Variants in PPP6R2 observed in about 807,000 individuals in gnomAD.
PPP6R2 encodes protein phosphatase 6 regulatory subunit 2, also known as serine/threonine-protein phosphatase 6 regulatory subunit 2.
Under a neutral mutation model 100.2 loss-of-function variants are expected in PPP6R2, and 62 were observed. The observed-to-expected ratio is 0.62, with a 90% CI of 0.50 to 0.76. The LOEUF is 0.76. Among genes scored for constraint, PPP6R2 ranks in the 30% least tolerant of loss-of-function variants. PPP6R2 has a pLI of 0.00. For synonymous variants in PPP6R2, 525 were observed against 514.7 expected (o/e 1.02, Z -0.27); for missense variants, 1,142 against 1,276.3 (o/e 0.89, Z 1.60).
At chr22:50,376,777 C>T (rs932503673) in intron 2 of PPP6R2, among the ~76,000 whole-genome samples, 3 of 152,032 alleles carry the variant, frequency 2.0e-5, no homozygotes, top group Non-Finnish European at 4.4e-5. Flanking sequence ...CAGTGGCTCA[C>T]GCCTGTAATC....
In PPP6R2 at chr22:50,431,754, C is replaced by G. The variant is rs1226893949; in HGVS notation, c.1335+372C>G. On this transcript the variant is annotated intron_variant, in intron 11 of 23. Coordinates refer to ENST00000612753, the MANE Select transcript of PPP6R2 (RefSeq NM_001242898.2). This position sits in a 1 kb window ranked among gnomAD's most constrained non-coding sequence, Gnocchi z 4.8. ...GAGGGGATGCTGAGGGACATGCAGG[C>G]CAACCAGGGACTGTCACCCGGATAG... Among the ~76,000 whole-genome samples, 1 of 152,068 alleles carries G rather than the reference C, an allele frequency of 6.6e-6. No individual in the cohort carries two copies. The highest frequency in any genetic ancestry group is 1.5e-5 in the Non-Finnish European group (1 of 68,002).
rs1352740882 is a variant in PPP6R2, at chr22:50,406,965, C to A, written c.414+90C>A. 9.8e-6 allele frequency: 13 copies of A among 1,328,840 alleles called. No individual in the cohort carries two copies. In the East Asian group the frequency reaches 2.8e-4, roughly 28 times the overall value. The allele number at this position is 1,328,840 out of a possible 1,614,324, so 82.3% of individuals were successfully genotyped here. ...TGTGAGCCTGGCGGTGCGACTCATC[C>A]TCCGGCCGCGGGAACAGCATCTGTG... On this transcript the variant is annotated intron_variant, in intron 4 of 23. Coordinates refer to ENST00000612753, the MANE Select transcript of PPP6R2 (RefSeq NM_001242898.2).
intron 2 of PPP6R2, among the ~76,000 whole-genome samples, chr22:50,391,587 G>A (rs549113583): frequency 2.6e-5 from 4 of 152,070 alleles, no homozygotes; most frequent in Non-Finnish European, 5.9e-5. Flanking sequence ...ACAACATGGC[G>A]AAACACCATC....
intron 1 of PPP6R2, among the ~76,000 whole-genome samples, chr22:50,359,953 TTTTGTTTGTCTTAAAATGTC>T (rs1335191046): frequency 6.6e-6 from 1 of 152,194 alleles, no homozygotes; most frequent in Non-Finnish European, 1.5e-5. Flanking sequence ...TTCCCTCAGC[TTTTGTTTGTCTTAAAATGTC>T]TTTATTTATA....
chr22:50,414,697 C>G lies in PPP6R2; in HGVS notation c.552+8C>G. 1 of 1,584,416 alleles carries G rather than the reference C, an allele frequency of 6.3e-7. No individual in the cohort carries two copies. The highest frequency in any genetic ancestry group is 8.5e-7 in the Non-Finnish European group (1 of 1,170,992). On this transcript the variant is annotated splice_region_variant and intron_variant, in intron 5 of 23. Transcript: ENST00000612753. ...CGGCAGGACGTCCTGCACGTGAGTGCGGGAGTCCCCCCCCGTTCCCGAGGG... is the reference window on the plus strand; with the variant it reads ...CGGCAGGACGTCCTGCACGTGAGTGGGGGAGTCCCCCCCCGTTCCCGAGGG...
intron 2 of PPP6R2, 68 bp downstream of exon 2, chr22:50,372,218 G>A (rs2050362681): frequency 6.6e-6 from 1 of 152,108 alleles, no homozygotes; most frequent in South Asian, 2.1e-4. Flanking sequence ...TTCTGTACAG[G>A]TGGAAGTTCA....
intron 1 of PPP6R2, among the ~76,000 whole-genome samples, chr22:50,355,185 C>A (rs1014494384): frequency 6.6e-6 from 1 of 150,970 alleles, no homozygotes; most frequent in African/African-American, 2.4e-5. Flanking sequence ...GATACTCCTC[C>A]TATATTGGAA....
intron 6 of PPP6R2, among the ~76,000 whole-genome samples, chr22:50,416,569 G>T (rs1021919440): frequency 2.0e-5 from 3 of 151,908 alleles, no homozygotes; most frequent in Non-Finnish European, 1.5e-5. Flanking sequence ...GGCCTCAAGT[G>T]ATCCTCCTAC....
At chr22:50,365,693 AAG>A (rs1555977782) in intron 1 of PPP6R2, among the ~76,000 whole-genome samples, 1 of 151,118 alleles carries the variant, frequency 6.6e-6, no homozygotes, top group Non-Finnish European at 1.5e-5. Flanking sequence ...AAAAAAAAAA[AAG>A]AACCATTTAA....
upstream of PPP6R2, among the ~76,000 whole-genome samples, chr22:50,339,340 TATGTA>T (rs1441818166): frequency 2.4e-4 from 31 of 129,248 alleles, no homozygotes; most frequent in East Asian, 2.9e-3. Context: ...GTGTGTGTGG[TATGTA>T]GTGTGTGGTA....
At chr22:50,409,231 C>A (rs573995936) in intron 4 of PPP6R2, among the ~76,000 whole-genome samples, 1 of 152,264 alleles carries the variant, frequency 6.6e-6, no homozygotes, top group East Asian at 1.9e-4. Context: ...GTGAAATGAC[C>A]GTCCGCATTT....
intron 10 of PPP6R2, among the ~76,000 whole-genome samples, chr22:50,426,394 C>T (rs2062133351): frequency 6.6e-6 from 1 of 152,206 alleles, no homozygotes; most frequent in Non-Finnish European, 1.5e-5. Context: ...AGCTTTTCCT[C>T]TATGCTTCCT....
upstream of PPP6R2, among the ~76,000 whole-genome samples, chr22:50,342,017 G>T (rs1367268136): frequency 6.6e-6 from 1 of 151,940 alleles, no homozygotes; most frequent in Non-Finnish European, 1.5e-5. Context: ...GGAGGAGAGG[G>T]GCTCCTGCTC....
rs200420909 is a variant in PPP6R2, at chr22:50,373,232, ATTTC to A, written c.-17+1090_-17+1093del. ...TGCTGGATAAATTAGAATAAATATA[ATTTC>A]TTTCTTTTTTTTTTTTTTTTTTTGA... On this transcript the variant is annotated intron_variant, in intron 2 of 23. Transcript: ENST00000612753. Among the ~76,000 whole-genome samples, 523 of 146,974 alleles carry A rather than the reference ATTTC, an allele frequency of 3.6e-3. 22 individuals carry two copies. The East Asian group carries it at 0.09, about 25-fold the overall frequency.
At chr22:50,424,130 C>T (rs2061683247) in intron 10 of PPP6R2, among the ~76,000 whole-genome samples, 1 of 152,216 alleles carries the variant, frequency 6.6e-6, no homozygotes, top group Non-Finnish European at 1.5e-5. Context: ...TGCCAGTGAG[C>T]AGCCCTGGCT....
At position 50,410,469 on chromosome 22, in the gene PPP6R2, CTT is replaced by C. The variant is rs200178930; in HGVS notation, c.414+3618_414+3619del. 3.7e-3 allele frequency among the ~76,000 whole-genome samples: 381 copies of C among 103,154 alleles called. 1 individual carries two copies. The highest frequency in any genetic ancestry group is 6.9e-3 in the African/African-American group (183 of 26,516). 67.7% of individuals were successfully genotyped at this position (103,154 alleles called of 152,430 possible). On this transcript the variant is annotated intron_variant, in intron 4 of 23. Transcript: ENST00000612753. The stretch of plus-strand genomic sequence containing the variant: ...ATCTTTGTATTATTTTGAGTGGTGT[CTT>C]TTTTTTTTTTTTTTTTTTTTTTTGA...
intron 1 of PPP6R2, among the ~76,000 whole-genome samples, chr22:50,360,474 T>C (rs2047571170): frequency 6.6e-6 from 1 of 151,956 alleles, no homozygotes. Context: ...GAGACCCTCC[T>C]GCCTCAGTTT....
chr22:50,422,440 C>T, intron 9 of PPP6R2, 60 bp downstream of exon 9: 1 of 1,591,834 alleles, frequency 6.3e-7, no homozygotes, highest in Non-Finnish European at 8.6e-7. Context: ...GGTTGATTTG[C>T]AGGGAGGAGA....
intron 6 of PPP6R2, among the ~76,000 whole-genome samples, chr22:50,416,859 G>A (rs1024038836): frequency 2.6e-5 from 4 of 151,632 alleles, no homozygotes; most frequent in African/African-American, 9.7e-5. Context: ...AGGAAGCTGA[G>A]GCACAAGAAT....
Sources: allele counts gnomAD v4.1 joint callset (sites outside exome capture counted in the v4.1 genomes callset), GRCh38; gene constraint gnomAD v4.1.1; non-coding constraint Gnocchi (gnomAD v3.1); transcripts MANE v1.5; gene names NCBI Gene and HGNC (gene_info 2026-07-23, HGNC 2026-07-21).